Variants in DNAH12 observed in about 807,000 individuals in gnomAD.
The protein encoded by DNAH12 is dynein axonemal heavy chain 12.
Under a neutral mutation model 371.5 loss-of-function variants are expected in DNAH12, and 285 were observed. That is an observed-to-expected ratio of 0.77 (90% CI 0.70 to 0.85). The LOEUF is 0.85. Ranked by LOEUF, DNAH12 falls within the 40% of genes least tolerant of loss-of-function variation. The pLI is 0.00. For missense variants in DNAH12, 3,611 were observed against 3,689.4 expected (o/e 0.98, Z 0.55); for synonymous variants, 1,200 against 1,213.0 (o/e 0.99, Z 0.22).
intron 69 of DNAH12, among the ~76,000 whole-genome samples, chr3:57,303,865 A>T (rs919579416): frequency 7.9e-5 from 12 of 152,322 alleles, no homozygotes; most frequent in African/African-American, 2.9e-4. Context: ...ATACATCCAG[A>T]TGGCCTGAAG....
rs929438249 is a variant in DNAH12, at chr3:57,384,673, A to G, written c.7860+156T>C. On this transcript the variant is annotated intron_variant, in intron 49 of 73. Transcript: ENST00000495027. Reference sequence around the variant, plus strand: ...AATAAAATAAAATAAAAACAACAATATATCAAAGGTAAACTGTTAAGAGCC... The same window carrying G: ...AATAAAATAAAATAAAAACAACAATGTATCAAAGGTAAACTGTTAAGAGCC... 5.5e-4 allele frequency among the ~76,000 whole-genome samples: 84 copies of G among 152,246 alleles called. 1 individual carries two copies. In the South Asian group the frequency reaches 0.017, roughly 30 times the overall value.
chr3:57,409,431 G>T (rs12491732), intron 39 of DNAH12, among the ~76,000 whole-genome samples: 9 of 151,820 alleles, frequency 5.9e-5, no homozygotes, highest in African/African-American at 2.2e-4. Flanking sequence ...CCAATAAAAC[G>T]AATGAGTAGA....
In DNAH12 at chr3:57,472,638, C is replaced by T; in HGVS notation, c.1684G>A (p.Val562Ile). Residue 562 changes from valine (V) to isoleucine (I), a missense_variant, in exon 14 of 74, where the codon GTT becomes ATT. Physicochemically the swap from Val to Ile is conservative, Grantham distance 29. Transcript: ENST00000495027. ...AAGTCTTCTTGAGGAAATAGGAAAACATCTAAAAAGTAACTCATTTGGCGT... is the reference window on the plus strand; with the variant it reads ...AAGTCTTCTTGAGGAAATAGGAAAATATCTAAAAAGTAACTCATTTGGCGT... ...SKRQMSYFLD[V>I]FLFPQEDLAL... The T allele has an allele frequency of 6.4e-7, 1 of 1,550,896 alleles. No individual in the cohort carries two copies. The highest frequency in any genetic ancestry group is 1.2e-5 in the South Asian group (1 of 83,864).
chr3:57,310,595 T>C (rs2107678281), intron 67 of DNAH12, 122 bp downstream of exon 67: 1 of 708,062 alleles, frequency 1.4e-6, no homozygotes, highest in East Asian at 2.8e-5. Context: ...AGAAAAAGAT[T>C]ATTAAAAGTT....
intron 58 of DNAH12, among the ~76,000 whole-genome samples, chr3:57,363,393 C>T (rs1288618506): frequency 6.6e-6 from 1 of 152,040 alleles, no homozygotes; most frequent in Non-Finnish European, 1.5e-5. Flanking sequence ...CCATATAGAT[C>T]AGACCAGGTT....
chr3:57,500,618 C>T (rs1166517644), intron 11 of DNAH12, among the ~76,000 whole-genome samples: 1 of 152,194 alleles, frequency 6.6e-6, no homozygotes, highest in Non-Finnish European at 1.5e-5. Flanking sequence ...GCCCAACTCA[C>T]ATTTCACTTC....
chr3:57,352,641 A>G (rs1009987403), intron 59 of DNAH12, among the ~76,000 whole-genome samples: 61 of 152,188 alleles, frequency 4.0e-4, no homozygotes, highest in African/African-American at 1.4e-3. Flanking sequence ...AAGTGACTGA[A>G]GACAATCAGT....
chr3:57,314,427 C>G, intron 66 of DNAH12, 67 bp downstream of exon 66: 12 of 1,539,140 alleles, frequency 7.8e-6, no homozygotes, highest in Non-Finnish European at 8.8e-6. Flanking sequence ...CTATTCCAAG[C>G]AAAAGACTTG....
chr3:57,315,087 ATT>A (rs1450398483), intron 65 of DNAH12, among the ~76,000 whole-genome samples: 4 of 151,934 alleles, frequency 2.6e-5, no homozygotes. Flanking sequence ...TTTTGAAACC[ATT>A]GTTTATTTGA....
At chr3:57,448,477 T>G (rs2065613284) in intron 25 of DNAH12, among the ~76,000 whole-genome samples, 1 of 152,164 alleles carries the variant, frequency 6.6e-6, no homozygotes, top group Non-Finnish European at 1.5e-5. Context: ...GGGCTCGTGG[T>G]CTCGCTGGCT....
At chr3:57,501,450 C>G in intron 10 of DNAH12, 38 bp from the exon 11 acceptor site, 1 of 1,481,892 alleles carries the variant, frequency 6.7e-7, no homozygotes, top group South Asian at 1.3e-5. Flanking sequence ...TCAATAATAC[C>G]CTTTTTAGAA....
chr3:57,323,223 T>C lies in DNAH12; in HGVS notation c.10167A>G (p.Gly3389=), dbSNP rs1205068455. ...CCAGTGAAATAGCTTGAAACTTATTTCCAGACATAGATTTATCATTTGCAA... is the reference window on the plus strand; with the variant it reads ...CCAGTGAAATAGCTTGAAACTTATTCCCAGACATAGATTTATCATTTGCAA... ...LKFANDKSMS[G]NKFQAISLGQ... is the part of the protein sequence containing the mutation. Residue 3389 remains glycine, a synonymous_variant, in exon 64 of 74, where the codon GGA becomes GGG. Coordinates refer to ENST00000495027, the MANE Select transcript of DNAH12 (RefSeq NM_001366028.2). 1 of 1,551,888 alleles carries C rather than the reference T, an allele frequency of 6.4e-7. No homozygotes were observed. The highest frequency in any genetic ancestry group is 1.4e-5 in the African/African-American group (1 of 73,036).
intron 6 of DNAH12, 138 bp downstream of exon 6, chr3:57,509,002 A>T: frequency 1.3e-6 from 1 of 745,676 alleles, no homozygotes; most frequent in South Asian, 1.9e-5. Context: ...CTCTGAGGTA[A>T]AAACAAGAGT....
chr3:57,323,739 CAT>C, intron 62 of DNAH12, 120 bp from the exon 63 acceptor site: 1 of 1,007,374 alleles, frequency 9.9e-7, no homozygotes, highest in Non-Finnish European at 1.4e-6. Flanking sequence ...AAGCATATAG[CAT>C]CATAGACAAA....
At chr3:57,339,048 C>T (rs1045551299) in intron 60 of DNAH12, among the ~76,000 whole-genome samples, 1 of 152,176 alleles carries the variant, frequency 6.6e-6, no homozygotes, top group Non-Finnish European at 1.5e-5. Flanking sequence ...ATTCTTCTGC[C>T]TTGGGCTGCT....
Position 57,397,002 on chromosome 3 carries a change from G to A in DNAH12, c.6949-2670C>T, listed in dbSNP as rs924840470. ...ATCGTGCCACTGCACTCCAGCCTGG[G>A]TGACATAGTGAGAGTCCATCTCAAA... On this transcript the variant is annotated intron_variant, in intron 43 of 73. Transcript: ENST00000495027. Among the ~76,000 whole-genome samples the A allele has an allele frequency of 8.8e-3, 1,346 of 152,272 alleles. 17 individuals are homozygous for A. The highest frequency in any genetic ancestry group is 0.03 in the African/African-American group (1,237 of 41,548).
At chr3:57,408,678 A>C in intron 39 of DNAH12, 143 bp from the exon 40 acceptor site, 1 of 1,081,904 alleles carries the variant, frequency 9.2e-7, no homozygotes, top group Non-Finnish European at 1.2e-6. Flanking sequence ...GTAGGAGAGA[A>C]ATTTTTTTTA....
At chr3:57,377,726 A>G (rs923264583) in intron 52 of DNAH12, among the ~76,000 whole-genome samples, 7 of 152,076 alleles carry the variant, frequency 4.6e-5, no homozygotes, top group African/African-American at 1.7e-4. Context: ...GCTCAGTTTC[A>G]CTACCAAAAC....
chr3:57,323,217 C>T lies in DNAH12; in HGVS notation c.10173G>A (p.Lys3391=), dbSNP rs184604698. 153 of 1,552,138 alleles carry T rather than the reference C, an allele frequency of 9.9e-5. No individual in the cohort carries two copies. Among genetic ancestry groups the T allele is most frequent in the Non-Finnish European group, 1.3e-4 (144 of 1,147,104 alleles). ...CCTGTCCCAGTGAAATAGCTTGAAA[C>T]TTATTTCCAGACATAGATTTATCAT... ...FANDKSMSGN[K]FQAISLGQGQ... is the part of the protein sequence containing the mutation. The change falls in exon 64 of 74, where the codon AAG becomes AAA. Residue 3391 remains lysine (K), a synonymous_variant. Transcript: ENST00000495027.
Sources: allele counts gnomAD v4.1 joint callset (sites outside exome capture counted in the v4.1 genomes callset), GRCh38; gene constraint gnomAD v4.1.1; transcripts MANE v1.5; gene names NCBI Gene and HGNC (gene_info 2026-07-23, HGNC 2026-07-21).